The following DDIAS variants were observed in gnomAD, a reference collection of about 807,000 sequenced individuals.
The protein encoded by DDIAS is DNA damage induced apoptosis suppressor.
DDIAS carries 14 observed loss-of-function variants against 15.7 expected under a neutral mutation model. The ratio of observed to expected loss-of-function variants is 0.89; its 90% CI spans 0.59 to 1.39. The LOEUF (loss-of-function observed/expected upper bound fraction) is 1.39. Ranked by LOEUF, DDIAS falls within the 40% of genes most tolerant of loss-of-function variation. The pLI is 0.00. For missense variants in DDIAS, 1,035 were observed against 1,130.9 expected, an observed-to-expected ratio of 0.92 and a Z score of 1.22; for synonymous variants, 355 against 395.9, an observed-to-expected ratio of 0.90 and a Z score of 1.23.
At chr11:82,924,512 G>A (rs184719065) in intron 3 of DDIAS, among the ~76,000 whole-genome samples, 10 of 152,202 alleles carry the variant, frequency 6.6e-5, no homozygotes, top group East Asian at 1.9e-4. Flanking sequence ...ATATAAGTAC[G>A]CTAGAAAAAT....
intron 1 of DDIAS, among the ~76,000 whole-genome samples, chr11:82,902,828 T>C (rs1308324320): frequency 1.3e-5 from 2 of 152,244 alleles, no homozygotes; most frequent in African/African-American, 4.8e-5. Flanking sequence ...AGTTAAATGC[T>C]TCTTTCGTCT....
chr11:82,921,137 T>C (rs1249390912), intron 3 of DDIAS, among the ~76,000 whole-genome samples: 1 of 152,236 alleles, frequency 6.6e-6, no homozygotes, highest in African/African-American at 2.4e-5. Flanking sequence ...ATGTCCTTTG[T>C]CTCTTTTAAC....
intron 3 of DDIAS, among the ~76,000 whole-genome samples, chr11:82,918,813 G>GTTT (rs368436233): frequency 1.3e-5 from 2 of 150,888 alleles, no homozygotes; most frequent in African/African-American, 4.9e-5. Flanking sequence ...TCCTAAATTT[G>GTTT]TTTTTTTTGT....
chr11:82,933,874 G>A lies in DDIAS; in HGVS notation c.2536G>A (p.Asp846Asn), dbSNP rs769898824. 2 of 1,614,066 alleles carry A rather than the reference G, an allele frequency of 1.2e-6. No homozygotes were observed. Among genetic ancestry groups the A allele is most frequent in the South Asian group, 2.2e-5 (2 of 91,046 alleles). ...TATTGTATCTGGTGTTTCACAACCAGACGTTTTCAATCACTACCCTTTTGC... is the reference window on the plus strand; with the variant it reads ...TATTGTATCTGGTGTTTCACAACCAAACGTTTTCAATCACTACCCTTTTGC... The part of the protein sequence containing the change: ...SPIVSGVSQP[D>N]VFNHYPFAEC... The change falls in exon 6 of 6, where the codon GAC becomes AAC. Residue 846 changes from aspartate to asparagine, a missense_variant. Asp to Asn is a conservative substitution (Grantham distance 23). Transcript: ENST00000533655.
intron 3 of DDIAS, 73 bp downstream of exon 3, chr11:82,914,924 A>G (rs1361279382): frequency 1.3e-5 from 13 of 1,000,448 alleles, no homozygotes; most frequent in Non-Finnish European, 1.9e-5. Flanking sequence ...GCTCAAGGGC[A>G]AGGACCAGAT....
At chr11:82,924,460 T>A (rs1860816018) in intron 3 of DDIAS, among the ~76,000 whole-genome samples, 1 of 152,168 alleles carries the variant, frequency 6.6e-6, no homozygotes, top group Non-Finnish European at 1.5e-5. Flanking sequence ...AAGAAAACAT[T>A]AAGGATTACT....
chr11:82,916,409 G>A (rs1860633694), intron 3 of DDIAS, among the ~76,000 whole-genome samples: 1 of 152,144 alleles, frequency 6.6e-6, no homozygotes, highest in Admixed American at 6.6e-5. Context: ...CATTATAGCT[G>A]TGTGGCCTTG....
At chr11:82,928,388 A>G (rs2121360890) in intron 3 of DDIAS, among the ~76,000 whole-genome samples, 1 of 151,414 alleles carries the variant, frequency 6.6e-6, no homozygotes, top group South Asian at 2.1e-4. Flanking sequence ...TTTAGTAGAG[A>G]CAGGGTTTTA....
At chr11:82,919,993 G>A (rs1371776559) in intron 3 of DDIAS, among the ~76,000 whole-genome samples, 1 of 152,196 alleles carries the variant, frequency 6.6e-6, no homozygotes, top group Admixed American at 6.5e-5. Flanking sequence ...AAAGCGCTGG[G>A]ATTACAGGCG....
chr11:82,923,337 G>A (rs1860795492), intron 3 of DDIAS, among the ~76,000 whole-genome samples: 1 of 152,210 alleles, frequency 6.6e-6, no homozygotes, highest in African/African-American at 2.4e-5. Context: ...TCAGTTGTAA[G>A]CCAACACAGG....
At chr11:82,906,848 G>T (rs544737207) in intron 1 of DDIAS, among the ~76,000 whole-genome samples, 2 of 152,284 alleles carry the variant, frequency 1.3e-5, no homozygotes, top group East Asian at 3.9e-4. Flanking sequence ...TGGTAAAATT[G>T]TGTTTTATAT....
intron 3 of DDIAS, among the ~76,000 whole-genome samples, chr11:82,918,531 T>C (rs1318703097): frequency 6.6e-6 from 1 of 152,240 alleles, no homozygotes; most frequent in Admixed American, 6.5e-5. Flanking sequence ...AGGTTTGTTC[T>C]TTTTGCTTAG....
intron 3 of DDIAS, among the ~76,000 whole-genome samples, chr11:82,925,716 C>T (rs1016263418): frequency 1.1e-4 from 17 of 151,952 alleles, no homozygotes; most frequent in African/African-American, 3.6e-4. Flanking sequence ...TAGCCAGGTG[C>T]GGTGGCTCAC....
chr11:82,917,546 T>C (rs1035153275), intron 3 of DDIAS, among the ~76,000 whole-genome samples: 39 of 152,336 alleles, frequency 2.6e-4, no homozygotes, highest in African/African-American at 8.4e-4. Flanking sequence ...CACTCATTGA[T>C]TGATGGACAT....
Position 82,933,632 on chromosome 11 carries a change from G to C in DDIAS, c.2294G>C (p.Ser765Thr). Residue 765 changes from serine to threonine, a missense_variant, in exon 6 of 6, where the codon AGT (serine) becomes ACT (threonine). By Grantham distance (58) the Ser-to-Thr change is moderately conservative. Transcript: ENST00000533655. ...GATTCAGAATATAATTTTGAAAATA[G>C]TCAAGACTTTGTTCCATGTTCACAG... is the stretch of plus-strand genomic sequence containing the variant. ...QSDSEYNFEN[S>T]QDFVPCSQST... The C allele has an allele frequency of 1.9e-6, 3 of 1,613,890 alleles. No homozygotes were observed. The South Asian group carries it at 3.3e-5, about 18-fold the overall frequency.
chr11:82,919,924 G>A (rs772492956), intron 3 of DDIAS, among the ~76,000 whole-genome samples: 20 of 152,156 alleles, frequency 1.3e-4, no homozygotes, highest in Admixed American at 2.0e-4. Flanking sequence ...AGGGTTTCAC[G>A]GTGTTAGCCA....
chr11:82,907,088 C>T (rs1590797549), intron 1 of DDIAS, among the ~76,000 whole-genome samples: 5 of 151,984 alleles, frequency 3.3e-5, no homozygotes, highest in African/African-American at 1.2e-4. Context: ...GGGAAAACGT[C>T]CTAGAAAAGA....
intron 1 of DDIAS, among the ~76,000 whole-genome samples, chr11:82,911,835 T>G (rs1860535157): frequency 6.6e-6 from 1 of 151,850 alleles, no homozygotes; most frequent in African/African-American, 2.4e-5. Flanking sequence ...AAAGTCAAAG[T>G]GACTCATTGA....
At position 82,926,153 on chromosome 11, in the gene DDIAS, A is replaced by G. The variant is rs142098937; in HGVS notation, c.114-2624A>G. On this transcript the variant is annotated intron_variant, in intron 3 of 5. Transcript: ENST00000533655. ...CCTCCAGACTGGAGTTCAATGGCACAATCTCAGCTCACCACAACCTCTGCC... is the reference window on the plus strand; with the variant it reads ...CCTCCAGACTGGAGTTCAATGGCACGATCTCAGCTCACCACAACCTCTGCC... Among the ~76,000 whole-genome samples, 481 of 145,458 alleles carry G rather than the reference A, an allele frequency of 3.3e-3. 1 individual carries two copies. The highest frequency in any genetic ancestry group is 0.012 in the African/African-American group (449 of 38,766).
Sources: gnomAD v4.1 joint callset for allele counts (sites outside exome capture counted in the v4.1 genomes callset) on GRCh38, gnomAD v4.1.1 for gene constraint, MANE v1.5 for transcripts, NCBI Gene and HGNC (gene_info 2026-07-23, HGNC 2026-07-21) for gene names.